CNGB1: variants seen among roughly 807,000 people sequenced by gnomAD.
CNGB1 encodes cyclic nucleotide-gated channel beta-1.
CNGB1 carries 126 observed loss-of-function variants against 151.7 expected under a neutral mutation model. The ratio of observed to expected loss-of-function variants is 0.83; its 90% CI spans 0.72 to 0.96. CNGB1 has a LOEUF of 0.96. CNGB1 is among the 40% of genes least tolerant of loss of function. The pLI is 0.00. For missense variants in CNGB1, 1,698 were observed against 1,627.0 expected (o/e 1.04, Z -0.75); for synonymous variants, 623 against 635.1 (o/e 0.98, Z 0.29).
intron 1 of CNGB1, among the ~76,000 whole-genome samples, chr16:57,970,570 G>A (rs1962515920): frequency 6.6e-6 from 1 of 152,220 alleles, no homozygotes; most frequent in South Asian, 2.1e-4. Context: ...GGCCAGGCCT[G>A]TAGACCCTTC....
At chr16:57,929,335 G>T (rs999031996) in intron 17 of CNGB1, among the ~76,000 whole-genome samples, 1 of 152,104 alleles carries the variant, frequency 6.6e-6, no homozygotes, top group African/African-American at 2.4e-5. Context: ...AAGGAAAGAG[G>T]TTTAAGTGAC....
chr16:57,954,968 C>T lies in CNGB1; in HGVS notation c.874+2373G>A, dbSNP rs192765863. ...CTCACTGTGTTGCCCACGGTGGTCTCGAACTTCGGGGCTCAAGCAATCCTC... is the reference window on the plus strand; with the variant it reads ...CTCACTGTGTTGCCCACGGTGGTCTTGAACTTCGGGGCTCAAGCAATCCTC... On this transcript the variant is annotated intron_variant, in intron 12 of 32. Coordinates refer to ENST00000251102, the MANE Select transcript of CNGB1 (RefSeq NM_001297.5). 1.0e-4 allele frequency: 115 copies of T among 1,102,758 alleles called. No homozygotes were observed. The African/African-American group carries it at 1.1e-3, about 10-fold the overall frequency. The allele number at this position is 1,102,758 out of a possible 1,614,324, so 68.3% of individuals were successfully genotyped here. A position where few individuals can be genotyped will look rare whatever the true frequency, so the allele number is the denominator to read the frequency against.
In CNGB1 at chr16:57,887,954, G is replaced by A. The variant is rs1382172841; in HGVS notation, c.3363C>T (p.Gly1121=). The part of the protein sequence containing the change: ...AALAMTGKMG[G]KGAKGGKLAH... ...CAAGTTTGCCGCCTTTTGCCCCCTT[G>A]CCACCCATCTTTCCTGTCATAGCGA... Residue 1121 remains glycine, a synonymous_variant, in exon 32 of 33, where the codon GGC becomes GGT. Transcript: ENST00000251102. 30 of 1,614,042 alleles carry A rather than the reference G, an allele frequency of 1.9e-5. No homozygotes were observed. The highest frequency in any genetic ancestry group is 2.5e-5 in the Non-Finnish European group (29 of 1,180,040).
Position 57,897,924 on chromosome 16 carries a change from A to C in CNGB1, c.2977-10T>G. The C allele has an allele frequency of 3.7e-6, 6 of 1,613,380 alleles. 1 individual carries two copies. In the South Asian group the frequency reaches 6.6e-5, roughly 18 times the overall value. Reference sequence around the variant, plus strand: ...CACGGCCGATCTCCCCCTGAAACAAAGAAGTGACAAGTCCCTCTGTTCATC... The same window carrying C: ...CACGGCCGATCTCCCCCTGAAACAACGAAGTGACAAGTCCCTCTGTTCATC... On this transcript the variant is annotated splice_polypyrimidine_tract_variant and intron_variant, in intron 29 of 32. Coordinates refer to ENST00000251102, the MANE Select transcript of CNGB1 (RefSeq NM_001297.5).
At chr16:57,926,723 T>C (rs1424418461) in intron 17 of CNGB1, among the ~76,000 whole-genome samples, 2 of 152,190 alleles carry the variant, frequency 1.3e-5, no homozygotes, top group African/African-American at 2.4e-5. Context: ...CTTACACCCG[T>C]AATCCCAACA....
intron 17 of CNGB1, among the ~76,000 whole-genome samples, chr16:57,927,403 C>T (rs151287899): frequency 6.6e-6 from 1 of 152,232 alleles, no homozygotes; most frequent in African/African-American, 2.4e-5. Flanking sequence ...GGCCTCAGAA[C>T]TCTCCCCTCT....
chr16:57,897,867 C>G lies in CNGB1; in HGVS notation c.3024G>C (p.Gln1008His), dbSNP rs759293941. Reference protein sequence around the residue: ...EMYIIQAGQVQVLGGPDGKSV... With the variant: ...EMYIIQAGQVHVLGGPDGKSV... ...ATTTCCCATCAGGGCCGCCCAAGAC[C>G]TGCACTTGCCCTGCCTGGATGATGT... Residue 1008 changes from glutamine (Q) to histidine (H), a missense_variant, in exon 30 of 33, where the codon CAG (glutamine) becomes CAC (histidine). Coordinates refer to ENST00000251102, the MANE Select transcript of CNGB1 (RefSeq NM_001297.5). 2 of 1,614,254 alleles carry G rather than the reference C, an allele frequency of 1.2e-6. No individual in the cohort carries two copies. Among genetic ancestry groups the G allele is most frequent in the East Asian group, 4.5e-5 (2 of 44,892 alleles).
intron 2 of CNGB1, among the ~76,000 whole-genome samples, chr16:57,966,408 T>C (rs1013953565): frequency 1.3e-5 from 2 of 152,354 alleles, no homozygotes; most frequent in African/African-American, 4.8e-5. Context: ...GCTGAATTAG[T>C]TGTCATCCAG....
chr16:57,915,601 A>G (rs1219336323), intron 22 of CNGB1, among the ~76,000 whole-genome samples: 1 of 152,170 alleles, frequency 6.6e-6, no homozygotes, highest in East Asian at 1.9e-4. Context: ...TACAGACACA[A>G]TGAAAGGTGG....
intron 17 of CNGB1, among the ~76,000 whole-genome samples, chr16:57,931,445 G>A (rs552607138): frequency 6.6e-4 from 101 of 152,246 alleles, no homozygotes; most frequent in Non-Finnish European, 1.1e-3. Flanking sequence ...AGTAGCCACC[G>A]TGCCTCGCTA....
Position 57,882,814 on chromosome 16 carries a change from T to C in CNGB1, c.*1350A>G, listed in dbSNP as rs1325631906. 7.4e-6 allele frequency: 1 copy of C among 134,730 alleles called. No individual in the cohort carries two copies. Among genetic ancestry groups the C allele is most frequent in the African/African-American group, 2.6e-5 (1 of 38,002 alleles). 8.3% of individuals were successfully genotyped at this position (134,730 alleles called of 1,614,324 possible). A position where few individuals can be genotyped will look rare whatever the true frequency, so the allele number is the denominator to read the frequency against. On this transcript the variant is annotated 3_prime_UTR_variant, in exon 33 of 33. Coordinates refer to ENST00000251102, the MANE Select transcript of CNGB1 (RefSeq NM_001297.5). ...TTTCTTTTTTCTTTTTTTTTTTTTG[T>C]CTGAATCATAAAAGCAACATGACAC...
chr16:57,950,765 C>A (rs568396219), intron 12 of CNGB1, among the ~76,000 whole-genome samples: 1 of 152,368 alleles, frequency 6.6e-6, no homozygotes, highest in Non-Finnish European at 1.5e-5. Context: ...TATTTTCCCC[C>A]CTTCTCCTCT....
rs377024297 is a variant in CNGB1 at position 57,904,764 on chromosome 16, G to A, written c.2604C>T (p.Gly868=). The A allele has an allele frequency of 2.1e-5, 34 of 1,614,060 alleles. No homozygotes were observed. In the East Asian group the frequency reaches 2.2e-4, roughly 11 times the overall value. ...IVFQLLNYFT[G]VFAFSVMIGQ... ...CGATCATCACAGAGAAAGCAAAGAC[G>A]CCCGTGAAATAATTCAGCAGCTGGA... Residue 868 remains glycine (G), a synonymous_variant, in exon 26 of 33, where the codon GGC becomes GGT. Coordinates refer to ENST00000251102, the MANE Select transcript of CNGB1 (RefSeq NM_001297.5).
At chr16:57,890,672 AGATCTC>A in intron 31 of CNGB1, among the ~76,000 whole-genome samples, 1 of 152,240 alleles carries the variant, frequency 6.6e-6, no homozygotes, top group East Asian at 1.9e-4. Flanking sequence ...GTCAAGCCGG[AGATCTC>A]AGCACTTCAC....
At chr16:57,911,434 G>A (rs1408227812) in intron 25 of CNGB1, among the ~76,000 whole-genome samples, 2 of 152,124 alleles carry the variant, frequency 1.3e-5, no homozygotes, top group African/African-American at 2.4e-5. Flanking sequence ...GATTACAGGT[G>A]TGCATCACCA....
At chr16:57,963,574 C>T (rs907874816) in intron 4 of CNGB1, among the ~76,000 whole-genome samples, 38 of 152,312 alleles carry the variant, frequency 2.5e-4, no homozygotes, top group African/African-American at 8.7e-4. Context: ...CCAGCCCAGC[C>T]CCAGCCCTGC....
intron 31 of CNGB1, among the ~76,000 whole-genome samples, chr16:57,891,452 G>T (rs1322533116): frequency 6.6e-6 from 1 of 152,150 alleles, no homozygotes; most frequent in Non-Finnish European, 1.5e-5. Flanking sequence ...GCTGCAGTGA[G>T]CTATGATCGT....
At chr16:57,908,039 C>T (rs1191221327) in intron 25 of CNGB1, among the ~76,000 whole-genome samples, 1 of 152,214 alleles carries the variant, frequency 6.6e-6, no homozygotes, top group African/African-American at 2.4e-5. Flanking sequence ...CGAGCGTGTA[C>T]CACCATGCCC....
chr16:57,888,234 T>C (rs562192350), intron 31 of CNGB1, among the ~76,000 whole-genome samples, 160 bp from the exon 32 acceptor site: 2 of 152,170 alleles, frequency 1.3e-5, no homozygotes, highest in Admixed American at 6.5e-5. Context: ...TTAAGTACTT[T>C]ATGCATTGCA....
Sources: allele counts gnomAD v4.1 joint callset (sites outside exome capture counted in the v4.1 genomes callset), GRCh38; gene constraint gnomAD v4.1.1; transcripts MANE v1.5; gene names NCBI Gene and HGNC (gene_info 2026-07-23, HGNC 2026-07-21).